Variants in NRIP1 observed in about 807,000 individuals in gnomAD.
NRIP1 encodes the protein nuclear receptor-interacting protein 1.
In NRIP1, 28 loss-of-function variants were observed where a neutral mutation model predicts 75.0. The ratio of observed to expected loss-of-function variants is 0.37; its 90% CI spans 0.28 to 0.51. The LOEUF (loss-of-function observed/expected upper bound fraction) is 0.51. Ranked by LOEUF, NRIP1 falls within the 20% of genes least tolerant of loss-of-function variation. The pLI, the probability that NRIP1 is intolerant of heterozygous loss-of-function variation, is 0.92. For missense variants in NRIP1, 1,435 were observed against 1,343.7 expected (o/e 1.07, Z -1.06); for synonymous variants, 526 against 487.6 (o/e 1.08, Z -1.04).
Position 14,961,413 on chromosome 21 carries a change from G to A in NRIP1, c.*3303C>T, listed in dbSNP as rs2086587954. On this transcript the variant is annotated 3_prime_UTR_variant, in exon 4 of 4. Transcript: ENST00000318948. The stretch of plus-strand genomic sequence containing the variant: ...TACTGAGCAGATCGCATCAAATTTG[G>A]TTGTGTAAACACCAGAATTCTTACT... 2 of 152,328 alleles carry A rather than the reference G, an allele frequency of 1.3e-5. No individual in the cohort carries two copies. Among genetic ancestry groups the A allele is most frequent in the Non-Finnish European group, 2.9e-5 (2 of 67,884 alleles). The allele number at this position is 152,328 out of a possible 1,614,324, so 9.4% of individuals were successfully genotyped here. A position where few individuals can be genotyped will look rare whatever the true frequency, so the allele number is the denominator to read the frequency against.
intron 1 of NRIP1, among the ~76,000 whole-genome samples, chr21:15,044,904 C>G (rs143121751): frequency 2.0e-5 from 3 of 152,252 alleles, no homozygotes; most frequent in Non-Finnish European, 2.9e-5. Flanking sequence ...AGCTGGTACT[C>G]AGTAAATGTC....
At chr21:15,017,099 A>C (rs1164212316) in intron 2 of NRIP1, among the ~76,000 whole-genome samples, 1 of 152,178 alleles carries the variant, frequency 6.6e-6, no homozygotes, top group African/African-American at 2.4e-5. Flanking sequence ...CTTGTGGGCT[A>C]AATCTTTTTT....
intron 2 of NRIP1, among the ~76,000 whole-genome samples, chr21:15,021,204 A>G (rs2088365324): frequency 6.6e-6 from 1 of 151,606 alleles, no homozygotes; most frequent in African/African-American, 2.4e-5. Context: ...TGTAACCAAC[A>G]AAAAAAGGGA....
chr21:15,033,082 G>A (rs2088747464), intron 2 of NRIP1, among the ~76,000 whole-genome samples: 1 of 151,956 alleles, frequency 6.6e-6, no homozygotes, highest in Non-Finnish European at 1.5e-5. Context: ...AAAATTAGCT[G>A]GGCATGGTGG....
At chr21:14,992,321 T>C (rs1295875901) in intron 3 of NRIP1, 1 of 152,180 alleles carries the variant, frequency 6.6e-6, no homozygotes, top group Non-Finnish European at 1.5e-5. Flanking sequence ...GTGCTGGGAT[T>C]ATCGGTGTGA....
chr21:15,063,273 G>A (rs1169941773), intron 1 of NRIP1, among the ~76,000 whole-genome samples: 4 of 152,146 alleles, frequency 2.6e-5, no homozygotes, highest in Admixed American at 6.5e-5. Flanking sequence ...CCCTATCGAC[G>A]TTACCGAACT....
intron 2 of NRIP1, among the ~76,000 whole-genome samples, chr21:15,042,219 G>A (rs2088970507): frequency 6.6e-6 from 1 of 152,228 alleles, no homozygotes; most frequent in South Asian, 2.1e-4. Context: ...GTAAAAGAAG[G>A]TGGCCAATTC....
At chr21:15,052,788 C>T (rs1422470614) in intron 1 of NRIP1, among the ~76,000 whole-genome samples, 1 of 152,050 alleles carries the variant, frequency 6.6e-6, no homozygotes, top group Non-Finnish European at 1.5e-5. Flanking sequence ...TCCAAAGTAA[C>T]ATGCTATCAT....
At chr21:15,051,375 C>T (rs1456395761) in intron 1 of NRIP1, 1 of 158,202 alleles carries the variant, frequency 6.3e-6, no homozygotes, top group East Asian at 1.9e-4. Flanking sequence ...CCTAAATAAA[C>T]AAACCTACCA....
intron 2 of NRIP1, among the ~76,000 whole-genome samples, chr21:15,026,526 A>G (rs965468304): frequency 1.3e-5 from 2 of 152,200 alleles, no homozygotes; most frequent in Non-Finnish European, 1.5e-5. Flanking sequence ...TCTTGGGTAT[A>G]TACCCTAGAG....
At chr21:15,055,727 T>C (rs1383968451) in intron 1 of NRIP1, among the ~76,000 whole-genome samples, 1 of 152,186 alleles carries the variant, frequency 6.6e-6, no homozygotes, top group Non-Finnish European at 1.5e-5. Flanking sequence ...AAGTGTGAAA[T>C]AAATCAAGAT....
At chr21:15,034,877 C>T (rs1467943338) in intron 2 of NRIP1, among the ~76,000 whole-genome samples, 1 of 152,062 alleles carries the variant, frequency 6.6e-6, no homozygotes, top group Non-Finnish European at 1.5e-5. Context: ...CAGTGATCAT[C>T]CAAAAACCTA....
chr21:15,023,099 G>A (rs1364816622), intron 2 of NRIP1, among the ~76,000 whole-genome samples: 1 of 152,198 alleles, frequency 6.6e-6, no homozygotes, highest in Non-Finnish European at 1.5e-5. Flanking sequence ...GCTAACAGGT[G>A]TGGAGCTCCT....
intron 3 of NRIP1, among the ~76,000 whole-genome samples, chr21:14,983,774 C>T (rs572414474): frequency 7.9e-5 from 12 of 152,278 alleles, no homozygotes; most frequent in African/African-American, 1.9e-4. Flanking sequence ...TTAAAAATGA[C>T]GATAAATCTA....
chr21:15,015,109 C>T (rs569299457), intron 2 of NRIP1, among the ~76,000 whole-genome samples: 3 of 152,182 alleles, frequency 2.0e-5, no homozygotes, highest in Admixed American at 6.5e-5. Flanking sequence ...ACAACACATA[C>T]GGAAAATAAA....
At chr21:15,020,718 T>C (rs969826587) in intron 2 of NRIP1, among the ~76,000 whole-genome samples, 6 of 152,108 alleles carry the variant, frequency 3.9e-5, no homozygotes, top group Non-Finnish European at 8.8e-5. Context: ...ACTAACCAAA[T>C]TGTTTTTAAT....
Position 14,967,049 on chromosome 21 carries a change from G to T in NRIP1, c.1144C>A (p.His382Asn). ...GGTATAGTCTGGCTTTTAAGAAGAT[G>T]TAAAAGCAAACTATTGTTAGCAGCT... ...KQAANNSLLL[H>N]LLKSQTIPKP... Residue 382 changes from histidine (H) to asparagine (N), a missense_variant, in exon 4 of 4, where the codon CAT becomes AAT. Transcript: ENST00000318948. The T allele has an allele frequency of 6.2e-7, 1 of 1,614,140 alleles. No individual in the cohort carries two copies. The highest frequency in any genetic ancestry group is 8.5e-7 in the Non-Finnish European group (1 of 1,180,010).
chr21:15,031,573 A>G (rs1393605827), intron 2 of NRIP1, among the ~76,000 whole-genome samples: 21 of 131,884 alleles, frequency 1.6e-4, no homozygotes, highest in East Asian at 4.5e-4. Flanking sequence ...TTCTATGTGT[A>G]TACACTCTGG....
chr21:15,052,458 C>G (rs2089220539), intron 1 of NRIP1: 1 of 152,168 alleles, frequency 6.6e-6, no homozygotes, highest in African/African-American at 2.4e-5. Context: ...CCTATCCCCT[C>G]ACTACTTTTT....
Sources: gnomAD v4.1 joint callset for allele counts (sites outside exome capture counted in the v4.1 genomes callset) on GRCh38, gnomAD v4.1.1 for gene constraint, MANE v1.5 for transcripts, NCBI Gene and HGNC (gene_info 2026-07-23, HGNC 2026-07-21) for gene names.